The following STARD13 variants were observed in gnomAD, a reference collection of about 807,000 sequenced individuals.
STARD13 encodes the protein StAR related lipid transfer domain containing 13.
In STARD13, 62 loss-of-function variants were observed where a neutral mutation model predicts 106.4. The observed-to-expected ratio is 0.58, with a 90% CI of 0.48 to 0.72. STARD13 has a LOEUF of 0.72. STARD13 is among the 30% of genes least tolerant of loss of function. The pLI is 0.00. For synonymous variants in STARD13, 565 were observed against 553.0 expected (o/e 1.02, Z -0.31); for missense variants, 1,387 against 1,424.0 (o/e 0.97, Z 0.42).
chr13:33,166,088 T>A (rs1481104489), intron 2 of STARD13, among the ~76,000 whole-genome samples: 2 of 152,228 alleles, frequency 1.3e-5, no homozygotes, highest in African/African-American at 4.8e-5. Context: ...AATGTAACCA[T>A]GCTGGGTCAC....
the STARD13 span, among the ~76,000 whole-genome samples, chr13:33,593,758 T>C: frequency 6.6e-6 from 1 of 152,102 alleles, no homozygotes; most frequent in African/African-American, 2.4e-5. Flanking sequence ...TCCCAATATC[T>C]ACATTGGATT....
chr13:33,619,297 T>C, the STARD13 span, among the ~76,000 whole-genome samples: 1 of 152,192 alleles, frequency 6.6e-6, no homozygotes, highest in African/African-American at 2.4e-5. Flanking sequence ...GACAAAATAA[T>C]ACTCTCTTTA....
At chr13:33,196,037 T>C (rs1282549701) in intron 1 of STARD13, among the ~76,000 whole-genome samples, 1 of 152,236 alleles carries the variant, frequency 6.6e-6, no homozygotes, top group Admixed American at 6.5e-5. Context: ...CAGATGATTA[T>C]ATGAGAAATG....
At chr13:33,338,090 A>C (rs1249286187) in intron 1 of STARD13, among the ~76,000 whole-genome samples, 1 of 152,218 alleles carries the variant, frequency 6.6e-6, no homozygotes, top group Non-Finnish European at 1.5e-5. Context: ...TAGTTCCAAT[A>C]GCAGAAGGTA....
At chr13:33,108,474 T>C (rs573532225) in intron 12 of STARD13, among the ~76,000 whole-genome samples, 2 of 152,288 alleles carry the variant, frequency 1.3e-5, no homozygotes, top group Admixed American at 1.3e-4. Context: ...TAAAATTCCA[T>C]CCCTTACTAT....
rs1489490516 is a variant in STARD13, at chr13:33,110,194, A to C, written c.2830-104T>G. 3.1e-5 allele frequency: 29 copies of C among 927,172 alleles called. 1 individual carries two copies. The East Asian group carries it at 7.6e-4, about 24-fold the overall frequency. The allele number at this position is 927,172 out of a possible 1,614,324, so 57.4% of individuals were successfully genotyped here. On this transcript the variant is annotated intron_variant, in intron 11 of 13. Coordinates refer to ENST00000336934, the MANE Select transcript of STARD13 (RefSeq NM_178006.4). ...TGCTATCATACCTTGCTGGGTGTTCAAAAACCATCACTGATTATGTAAATT... is the reference window on the plus strand; with the variant it reads ...TGCTATCATACCTTGCTGGGTGTTCCAAAACCATCACTGATTATGTAAATT...
chr13:33,256,179 C>T (rs747101707), intron 1 of STARD13, among the ~76,000 whole-genome samples: 5 of 152,220 alleles, frequency 3.3e-5, no homozygotes, highest in Non-Finnish European at 7.3e-5. Flanking sequence ...GAACCTGTCA[C>T]CAGCCCTGGG....
intron 1 of STARD13, among the ~76,000 whole-genome samples, chr13:33,238,788 A>G (rs1889321192): frequency 6.6e-6 from 1 of 152,152 alleles, no homozygotes; most frequent in Non-Finnish European, 1.5e-5. Flanking sequence ...AGTGCTTTAT[A>G]TACATTATCT....
intron 8 of STARD13, among the ~76,000 whole-genome samples, chr13:33,117,100 C>T (rs370596256): frequency 5.3e-5 from 8 of 152,046 alleles, no homozygotes; most frequent in East Asian, 3.9e-4. Flanking sequence ...CAAAGAGTCA[C>T]GTGTTTAATT....
At position 33,262,662 on chromosome 13, in the gene STARD13, A is replaced by ACAACACACACAC. The variant is rs5802678; in HGVS notation, c.169+22807_169+22808insGTGTGTGTGTTG. Among the ~76,000 whole-genome samples, 445 of 114,994 alleles carry ACAACACACACAC rather than the reference A, an allele frequency of 3.9e-3. 2 individuals carry two copies. The highest frequency in any genetic ancestry group is 0.012 in the African/African-American group (373 of 30,544). 75.4% of individuals were successfully genotyped at this position (114,994 alleles called of 152,430 possible). On this transcript the variant is annotated intron_variant, in intron 1 of 13. Transcript: ENST00000336934. ...AACCCCCCCCCCCACACACACACAC[A>ACAACACACACAC]ACACACACACACACACACACACACA...
At chr13:33,256,471 C>T (rs1187850853) in intron 1 of STARD13, among the ~76,000 whole-genome samples, 4 of 152,242 alleles carry the variant, frequency 2.6e-5, no homozygotes, top group African/African-American at 9.7e-5. Flanking sequence ...CAGAACCCAT[C>T]AGCACATTGA....
chr13:33,144,434 T>A (rs1014942209), intron 3 of STARD13, among the ~76,000 whole-genome samples: 12 of 152,264 alleles, frequency 7.9e-5, no homozygotes, highest in Non-Finnish European at 1.3e-4. Context: ...GAGTCAGGCA[T>A]CAGCCTCCTA....
At chr13:33,410,410 A>G in the STARD13 span, among the ~76,000 whole-genome samples, 2 of 152,232 alleles carry the variant, frequency 1.3e-5, no homozygotes, top group Admixed American at 6.5e-5. Context: ...GATCACAGTA[A>G]CATCCCAAGA....
chr13:33,624,952 A>G, the STARD13 span, among the ~76,000 whole-genome samples: 1 of 152,224 alleles, frequency 6.6e-6, no homozygotes, highest in African/African-American at 2.4e-5. Flanking sequence ...GCAAGCTGTC[A>G]GAATCTGTAC....
At chr13:33,569,398 C>T in the STARD13 span, among the ~76,000 whole-genome samples, 1 of 147,410 alleles carries the variant, frequency 6.8e-6, no homozygotes, top group Non-Finnish European at 1.5e-5. Flanking sequence ...CTGCAGTAAG[C>T]CTTATCGAAC....
the STARD13 span, among the ~76,000 whole-genome samples, chr13:33,596,204 T>G: frequency 1.3e-5 from 2 of 152,190 alleles, no homozygotes; most frequent in African/African-American, 4.8e-5. Context: ...TTCACTTTGT[T>G]TCAAAGGCTA....
At chr13:33,499,259 T>C in the STARD13 span, among the ~76,000 whole-genome samples, 1 of 152,192 alleles carries the variant, frequency 6.6e-6, no homozygotes, top group African/African-American at 2.4e-5. Context: ...TTGAAAAAAG[T>C]TGAGTGGGTT....
intron 1 of STARD13, among the ~76,000 whole-genome samples, chr13:33,222,552 G>T (rs766780045): frequency 5.9e-5 from 9 of 152,292 alleles, no homozygotes; most frequent in Non-Finnish European, 1.2e-4. Context: ...CTGAATTCCA[G>T]AACCTGTGCA....
Position 33,129,742 on chromosome 13 carries a change from T to A in STARD13, c.935A>T (p.Gln312Leu). 1 of 1,614,158 alleles carries A rather than the reference T, an allele frequency of 6.2e-7. No homozygotes were observed. The highest frequency in any genetic ancestry group is 8.5e-7 in the Non-Finnish European group (1 of 1,180,034). The change falls in exon 5 of 14, where the codon CAG (glutamine) becomes CTG (leucine). Residue 312 changes from glutamine to leucine, a missense_variant. Transcript: ENST00000336934. ...QCIQIPNGDL[Q>L]NSPPPACRKG... is the part of the protein sequence containing the mutation. ...TCTGCAGGCAGGTGGCGGCGAATTCTGGAGATCTCCATTTGGTATTTGGAT... is the reference window on the plus strand; with the variant it reads ...TCTGCAGGCAGGTGGCGGCGAATTCAGGAGATCTCCATTTGGTATTTGGAT...
Sources: gnomAD v4.1 joint callset for allele counts (sites outside exome capture counted in the v4.1 genomes callset) on GRCh38, gnomAD v4.1.1 for gene constraint, MANE v1.5 for transcripts, NCBI Gene and HGNC (gene_info 2026-07-23, HGNC 2026-07-21) for gene names.